Variants in IGFBP2 observed in about 807,000 individuals in gnomAD.
The protein encoded by IGFBP2 is insulin-like growth factor-binding protein 2.
A neutral mutation model predicts 26.2 loss-of-function variants in IGFBP2; 12 were observed. The ratio of observed to expected loss-of-function variants is 0.46; its 90% CI spans 0.29 to 0.74. The LOEUF (loss-of-function observed/expected upper bound fraction) is 0.74. Ranked by LOEUF, IGFBP2 falls within the 30% of genes least tolerant of loss-of-function variation. IGFBP2 has a pLI of 0.09. For missense variants in IGFBP2, 328 were observed against 441.2 expected (o/e 0.74, Z 2.30); for synonymous variants, 189 against 200.6 (o/e 0.94, Z 0.49).
At chr2:216,658,623 C>T (rs1697964557) in intron 1 of IGFBP2, among the ~76,000 whole-genome samples, 2 of 152,082 alleles carry the variant, frequency 1.3e-5, no homozygotes, top group South Asian at 2.1e-4. Context: ...GATCTCAGCT[C>T]ACTGCAACCT....
At chr2:216,650,802 A>C (rs189162385) in intron 1 of IGFBP2, among the ~76,000 whole-genome samples, 1 of 152,314 alleles carries the variant, frequency 6.6e-6, no homozygotes, top group East Asian at 1.9e-4. Context: ...AGGAGGGACC[A>C]CCTGTTGGAA....
intron 1 of IGFBP2, among the ~76,000 whole-genome samples, chr2:216,634,906 T>TTTTTTTTTTTTTTTTTTTTTTTTTA (rs371560018): frequency 7.8e-6 from 1 of 128,490 alleles, no homozygotes; most frequent in Admixed American, 8.3e-5. Flanking sequence ...TTTTTTTTTT[T>TTTTTTTTTTTTTTTTTTTTTTTTTA]AATTACGAAA....
chr2:216,639,841 C>G (rs901895480), intron 1 of IGFBP2, among the ~76,000 whole-genome samples: 1 of 152,104 alleles, frequency 6.6e-6, no homozygotes, highest in African/African-American at 2.4e-5. Context: ...CAGGTTTTCA[C>G]CATGTTGGCC....
At chr2:216,663,821 C>A in intron 3 of IGFBP2, 119 bp from the exon 4 acceptor site, 1 of 1,036,474 alleles carries the variant, frequency 9.6e-7, no homozygotes, top group Non-Finnish European at 1.4e-6. Context: ...AGTTGCGAAG[C>A]TCCACCCGGC....
chr2:216,658,836 G>A (rs529450006), intron 1 of IGFBP2, among the ~76,000 whole-genome samples: 1 of 152,180 alleles, frequency 6.6e-6, no homozygotes, highest in African/African-American at 2.4e-5. Context: ...ATAGGCATGA[G>A]CCACCACACC....
At chr2:216,661,131 C>T (rs1336726805) in intron 2 of IGFBP2, 3 of 332,858 alleles carry the variant, frequency 9.0e-6, no homozygotes, top group South Asian at 8.4e-5. Context: ...GAGATGGGGT[C>T]TCACTCTGTT....
chr2:216,655,886 C>A (rs1405109511), intron 1 of IGFBP2, among the ~76,000 whole-genome samples: 1 of 149,524 alleles, frequency 6.7e-6, no homozygotes, highest in Non-Finnish European at 1.5e-5. Context: ...CAGAGCGATA[C>A]TCTGTCTCAA....
intron 1 of IGFBP2, among the ~76,000 whole-genome samples, chr2:216,653,686 A>G (rs1176227745): frequency 6.6e-6 from 1 of 152,142 alleles, no homozygotes; most frequent in African/African-American, 2.4e-5. Context: ...TTAGGTAGAA[A>G]GGTGTGGCAG....
intron 1 of IGFBP2, among the ~76,000 whole-genome samples, chr2:216,647,508 TTTTA>T (rs887438309): frequency 1.2e-4 from 18 of 152,010 alleles, no homozygotes; most frequent in African/African-American, 3.4e-4. Context: ...TTTGTAAAAT[TTTTA>T]TTTATTTATT....
intron 1 of IGFBP2, among the ~76,000 whole-genome samples, chr2:216,641,142 G>T (rs1326473509): frequency 6.6e-6 from 1 of 152,128 alleles, no homozygotes; most frequent in Non-Finnish European, 1.5e-5. Flanking sequence ...GTGCGTGTTG[G>T]GGTGGCTGTG....
chr2:216,642,306 A>ATT (rs78737054), intron 1 of IGFBP2, among the ~76,000 whole-genome samples: 6,908 of 93,756 alleles, frequency 0.074, 433 homozygotes, highest in African/African-American at 0.11. Context: ...CTAGGCTTGC[A>ATT]TTTTTTTTTT....
chr2:216,635,078 T>C (rs1265702059), intron 1 of IGFBP2, among the ~76,000 whole-genome samples: 1 of 151,188 alleles, frequency 6.6e-6, no homozygotes, highest in East Asian at 2.0e-4. Context: ...TGCTTGCTTT[T>C]TAGCTTCTGA....
chr2:216,636,182 G>A (rs1047751914), intron 1 of IGFBP2, among the ~76,000 whole-genome samples: 3 of 152,098 alleles, frequency 2.0e-5, no homozygotes, highest in African/African-American at 7.2e-5. Context: ...TCCGAGTTGG[G>A]TGGGGCCTGG....
chr2:216,635,882 C>T (rs9341101), intron 1 of IGFBP2, among the ~76,000 whole-genome samples: 5,560 of 152,142 alleles, frequency 0.037, 331 homozygotes, highest in African/African-American at 0.13. Flanking sequence ...GTTCTCCTCC[C>T]CAGTGCCCAG....
At chr2:216,653,499 CAA>C (rs1697864490) in intron 1 of IGFBP2, among the ~76,000 whole-genome samples, 1 of 152,124 alleles carries the variant, frequency 6.6e-6, no homozygotes, top group Admixed American at 6.5e-5. Flanking sequence ...AAGGGTGGGC[CAA>C]AAGACAATGT....
rs146008759 is a variant in IGFBP2, at chr2:216,663,670, G to A, written c.814-270G>A. ...CTTTTCATCTTCGGGTGTCCTGAAT[G>A]GCCTTGCTAATCAGAGGGGTCCCTG... On this transcript the variant is annotated intron_variant, in intron 3 of 3. Transcript: ENST00000233809. 376 of 362,724 alleles carry A rather than the reference G, an allele frequency of 1.0e-3. 1 individual carries two copies. Among genetic ancestry groups the A allele is most frequent in the Middle Eastern group, 4.0e-3 (5 of 1,264 alleles). The allele number at this position is 362,724 out of a possible 1,614,324, so 22.5% of individuals were successfully genotyped here. A position where few individuals can be genotyped will look rare whatever the true frequency, so the allele number is the denominator to read the frequency against.
rs1278407086 is a variant in IGFBP2, at chr2:216,664,185, T to G, written c.*81T>G. 3.2e-6 allele frequency: 4 copies of G among 1,234,396 alleles called. No homozygotes were observed. The highest frequency in any genetic ancestry group is 4.4e-6 in the Non-Finnish European group (4 of 907,024). 76.5% of individuals were successfully genotyped at this position (1,234,396 alleles called of 1,614,324 possible). On this transcript the variant is annotated 3_prime_UTR_variant, in exon 4 of 4. Transcript: ENST00000233809. This position sits in a 1 kb window ranked among gnomAD's most constrained non-coding sequence, Gnocchi z 4.6. The stretch of plus-strand genomic sequence containing the variant: ...CAGAAAACGGAGAGTGCTTGGGTGG[T>G]GGGTGCTGGAGGATTTTCCAGTTCT...
intron 1 of IGFBP2, among the ~76,000 whole-genome samples, chr2:216,637,463 A>T (rs1311470277): frequency 2.6e-5 from 4 of 152,204 alleles, no homozygotes. Flanking sequence ...CAGTTTGAGG[A>T]AGCTGCAGAA....
rs909860139 is a variant in IGFBP2, at chr2:216,664,248, A to T, written c.*144A>T. 7 of 603,658 alleles carry T rather than the reference A, an allele frequency of 1.2e-5. No homozygotes were observed. In the African/African-American group the frequency reaches 1.3e-4, roughly 11 times the overall value. 37.4% of individuals were successfully genotyped at this position (603,658 alleles called of 1,614,324 possible). A position where few individuals can be genotyped will look rare whatever the true frequency, so the allele number is the denominator to read the frequency against. ...TATATTTGGAAAGAGACCAGCACCG[A>T]GCTCGGCACCTCCCCGGCCTCTCTC... On this transcript the variant is annotated 3_prime_UTR_variant, in exon 4 of 4. Transcript: ENST00000233809. This position sits in a 1 kb window ranked among gnomAD's most constrained non-coding sequence, Gnocchi z 4.6.
Sources: gnomAD v4.1 joint callset for allele counts (sites outside exome capture counted in the v4.1 genomes callset) on GRCh38, gnomAD v4.1.1 for gene constraint, Gnocchi (gnomAD v3.1) non-coding constraint, MANE v1.5 for transcripts, NCBI Gene and HGNC (gene_info 2026-07-23, HGNC 2026-07-21) for gene names.